Variants in ZNF532 observed in about 807,000 individuals in gnomAD.
The protein encoded by ZNF532 is zinc finger protein 532.
In ZNF532, 22 loss-of-function variants were observed where a neutral mutation model predicts 89.3. The ratio of observed to expected loss-of-function variants is 0.25; its 90% CI spans 0.18 to 0.35. The LOEUF is 0.35. Ranked by LOEUF, ZNF532 falls within the 10% of genes least tolerant of loss-of-function variation. The pLI is 1.00. For missense variants in ZNF532, 1,132 were observed against 1,643.4 expected, an observed-to-expected ratio of 0.69 and a Z score of 5.38; for synonymous variants, 606 against 649.6, an observed-to-expected ratio of 0.93 and a Z score of 1.02.
chr18:58,922,777 T>C (rs189050257), intron 3 of ZNF532, among the ~76,000 whole-genome samples: 2 of 152,348 alleles, frequency 1.3e-5, no homozygotes, highest in East Asian at 3.9e-4. Flanking sequence ...CACTATGAGC[T>C]GTGTGCTCTG....
intron 9 of ZNF532, 49 bp from the exon 10 acceptor site, chr18:58,983,923 C>T (rs2068144001): frequency 2.6e-6 from 4 of 1,560,212 alleles, no homozygotes; most frequent in African/African-American, 2.7e-5. Flanking sequence ...TTATCAACCA[C>T]CGTGAAGGAT....
Position 58,953,540 on chromosome 18 carries a change from G to A in ZNF532, c.2891G>A (p.Ser964Asn). 1.9e-6 allele frequency: 3 copies of A among 1,612,350 alleles called. No homozygotes were observed. Among genetic ancestry groups the A allele is most frequent in the South Asian group, 1.1e-5 (1 of 91,000 alleles). ...HIKSMHGTLK[S>N]IEGPPNLGIN... ...TAGTCTATGCATGGAACATTGAAAA[G>A]TATTGAAGGGCCTCCAAACTTGGGT... is the stretch of plus-strand genomic sequence containing the variant. The change falls in exon 7 of 10, where the codon AGT becomes AAT. Residue 964 changes from serine to asparagine, a missense_variant. Coordinates refer to ENST00000591808, the MANE Select transcript of ZNF532 (RefSeq NM_001375912.1).
chr18:58,978,290 CCTT>C (rs1434828214), intron 7 of ZNF532, among the ~76,000 whole-genome samples: 2 of 152,094 alleles, frequency 1.3e-5, no homozygotes, highest in African/African-American at 4.8e-5. Flanking sequence ...AAACAAAAAT[CCTT>C]CTAGAAAACT....
At chr18:58,921,414 G>C (rs904892202) in intron 3 of ZNF532, among the ~76,000 whole-genome samples, 2 of 152,130 alleles carry the variant, frequency 1.3e-5, no homozygotes, top group Non-Finnish European at 2.9e-5. Context: ...TTATAATGCT[G>C]ATCTTACTTT....
chr18:58,867,609 C>G (rs1263467907), intron 2 of ZNF532, among the ~76,000 whole-genome samples: 1 of 152,184 alleles, frequency 6.6e-6, no homozygotes, highest in African/African-American at 2.4e-5. Context: ...CCTGCAGTTC[C>G]TGTCACCGTG....
intron 5 of ZNF532, chr18:58,940,287 C>T (rs1158981088): frequency 6.6e-6 from 1 of 152,118 alleles, no homozygotes; most frequent in African/African-American, 2.4e-5. Context: ...ATAGGGTACA[C>T]TTTTGCTTAA....
chr18:58,934,038 T>C (rs920253404), intron 3 of ZNF532, among the ~76,000 whole-genome samples: 1 of 152,220 alleles, frequency 6.6e-6, no homozygotes, highest in Non-Finnish European at 1.5e-5. Flanking sequence ...GAAAGCTTTT[T>C]ATGAATTGTG....
chr18:58,968,207 C>A (rs1166677041), intron 7 of ZNF532, among the ~76,000 whole-genome samples: 1 of 152,220 alleles, frequency 6.6e-6, no homozygotes, highest in Non-Finnish European at 1.5e-5. Flanking sequence ...TCCCTTGACA[C>A]TGGGCTGGTG....
chr18:58,931,878 T>C (rs2061993177), intron 3 of ZNF532: 1 of 152,208 alleles, frequency 6.6e-6, no homozygotes, highest in Non-Finnish European at 1.5e-5. Context: ...AGGTGGAGTC[T>C]GCAGTGAGCT....
chr18:58,912,660 CT>C (rs556514323), intron 2 of ZNF532, among the ~76,000 whole-genome samples: 112 of 152,240 alleles, frequency 7.4e-4, no homozygotes, highest in Admixed American at 1.8e-3. Context: ...AGTGTGAAGG[CT>C]AAAGGTAAAA....
chr18:58,886,718 G>A (rs1372783187), intron 2 of ZNF532, among the ~76,000 whole-genome samples: 3 of 152,188 alleles, frequency 2.0e-5, no homozygotes, highest in Non-Finnish European at 4.4e-5. Context: ...TTTTGTACAT[G>A]TGATCCTCAA....
chr18:58,946,473 C>T (rs1439247592), intron 5 of ZNF532, among the ~76,000 whole-genome samples: 1 of 151,988 alleles, frequency 6.6e-6, no homozygotes, highest in Admixed American at 6.6e-5. Context: ...GGGTTTCGCC[C>T]TGTTGCCCAA....
At chr18:58,944,541 G>T (rs1425790060) in intron 5 of ZNF532, among the ~76,000 whole-genome samples, 2 of 152,084 alleles carry the variant, frequency 1.3e-5, no homozygotes, top group Non-Finnish European at 2.9e-5. Flanking sequence ...CTACACTGGG[G>T]TTCTCACTGT....
At chr18:58,903,744 T>C (rs938528912) in intron 2 of ZNF532, among the ~76,000 whole-genome samples, 2 of 152,194 alleles carry the variant, frequency 1.3e-5, no homozygotes, top group African/African-American at 4.8e-5. Flanking sequence ...TGATTGTACA[T>C]ACCCGCAAGG....
intron 7 of ZNF532, 64 bp downstream of exon 7, chr18:58,953,863 C>T: frequency 1.3e-6 from 2 of 1,535,804 alleles, no homozygotes; most frequent in Admixed American, 4.2e-5. Context: ...GGCAAGCTTC[C>T]AAGATGTGGG....
chr18:58,962,836 C>T (rs2065498808), intron 7 of ZNF532, among the ~76,000 whole-genome samples: 2 of 152,040 alleles, frequency 1.3e-5, no homozygotes, highest in South Asian at 2.1e-4. Context: ...CTTCTGACCT[C>T]GTGATCTGCC....
At chr18:58,911,050 G>A (rs2060253051) in intron 2 of ZNF532, among the ~76,000 whole-genome samples, 1 of 152,152 alleles carries the variant, frequency 6.6e-6, no homozygotes. Flanking sequence ...AGCCCTGCCT[G>A]GATTTCAATG....
At chr18:58,942,269 A>T (rs544594276) in intron 5 of ZNF532, among the ~76,000 whole-genome samples, 1 of 145,092 alleles carries the variant, frequency 6.9e-6, no homozygotes, top group East Asian at 2.1e-4. Context: ...TGATCCGCCC[A>T]CCTTGGCCTC....
intron 3 of ZNF532, among the ~76,000 whole-genome samples, chr18:58,924,790 C>T (rs964360426): frequency 6.6e-6 from 1 of 152,158 alleles, no homozygotes; most frequent in Non-Finnish European, 1.5e-5. Flanking sequence ...CACAGCCTCT[C>T]CTCACTCCTT....
Sources: allele counts gnomAD v4.1 joint callset (sites outside exome capture counted in the v4.1 genomes callset), GRCh38; gene constraint gnomAD v4.1.1; transcripts MANE v1.5; gene names NCBI Gene and HGNC (gene_info 2026-07-23, HGNC 2026-07-21).